The following COL4A2 variants were observed in gnomAD, a reference collection of about 807,000 sequenced individuals.
The protein encoded by COL4A2 is collagen type IV alpha 2 chain.
In COL4A2, 99 loss-of-function variants were observed where a neutral mutation model predicts 200.2. The ratio of observed to expected loss-of-function variants is 0.49; its 90% CI spans 0.42 to 0.58. The LOEUF (loss-of-function observed/expected upper bound fraction) is 0.58, where lower values mean the gene tolerates loss of function less well. COL4A2 is among the 20% of genes least tolerant of loss of function. COL4A2 has a pLI of 0.00. For missense variants in COL4A2, 1,950 were observed against 2,314.1 expected (o/e 0.84, Z 3.23); for synonymous variants, 897 against 900.6 (o/e 1.00, Z 0.07).
At chr13:110,361,570 C>G (rs1877515328) in intron 4 of COL4A2, among the ~76,000 whole-genome samples, 1 of 152,216 alleles carries the variant, frequency 6.6e-6, no homozygotes, top group Non-Finnish European at 1.5e-5. Flanking sequence ...TTGTACGTCA[C>G]TGGATAACTT....
intron 3 of COL4A2, among the ~76,000 whole-genome samples, chr13:110,319,579 C>T (rs1259788390): frequency 4.6e-5 from 7 of 152,134 alleles, no homozygotes; most frequent in Admixed American, 1.3e-4. Flanking sequence ...CAGACTAGCC[C>T]GTACCCTCCA....
Position 110,427,599 on chromosome 13 carries a change from A to G in COL4A2, c.361-868A>G, listed in dbSNP as rs1433866339. 3.3e-5 allele frequency among the ~76,000 whole-genome samples: 5 copies of G among 152,278 alleles called. No individual in the cohort carries two copies. The East Asian group carries it at 9.6e-4, about 29-fold the overall frequency. On this transcript the variant is annotated intron_variant, in intron 6 of 47. Coordinates refer to ENST00000360467, the MANE Select transcript of COL4A2 (RefSeq NM_001846.4). ...AAGTAACTACACAATAACAAAGCAT[A>G]TAGCTAAATATCTATTGTTTAAAGA...
At position 110,307,840 on chromosome 13, in the gene COL4A2, G is replaced by T; in HGVS notation, c.-44-20G>T. ...GCCTCCCTCATCCTGCGCTAAACTC[G>T]CTTTGTCTGTCGCCTCTAGGCTAAG... is the stretch of plus-strand genomic sequence containing the variant. On this transcript the variant is annotated intron_variant, in intron 1 of 47. Coordinates refer to ENST00000360467, the MANE Select transcript of COL4A2 (RefSeq NM_001846.4). This position sits in a 1 kb window ranked among gnomAD's most constrained non-coding sequence, Gnocchi z 5.0. 3 of 1,554,590 alleles carry T rather than the reference G, an allele frequency of 1.9e-6. No homozygotes were observed. Among genetic ancestry groups the T allele is most frequent in the Admixed American group, 1.8e-5 (1 of 54,210 alleles).
intron 16 of COL4A2, among the ~76,000 whole-genome samples, chr13:110,442,526 C>T (rs1019225076): frequency 4.6e-5 from 7 of 152,138 alleles, no homozygotes; most frequent in African/African-American, 1.7e-4. Context: ...AGCAACTGCT[C>T]GGTGACATAA....
intron 3 of COL4A2, among the ~76,000 whole-genome samples, chr13:110,316,965 A>G (rs1885145598): frequency 6.6e-6 from 1 of 152,106 alleles, no homozygotes; most frequent in Admixed American, 6.6e-5. Flanking sequence ...ATAGAGATAA[A>G]AGAGAGAGAG....
At chr13:110,465,632 T>C in intron 25 of COL4A2, 26 bp downstream of exon 25, 1 of 1,573,662 alleles carries the variant, frequency 6.4e-7, no homozygotes, top group Non-Finnish European at 8.7e-7. Context: ...CCCTTTTACC[T>C]TTCACAGTCC....
intron 32 of COL4A2, among the ~76,000 whole-genome samples, chr13:110,483,439 G>A (rs1883002129): frequency 2.0e-5 from 3 of 152,208 alleles, no homozygotes; most frequent in Non-Finnish European, 4.4e-5. Context: ...ACAAAAATGT[G>A]GACACAAATC....
chr13:110,395,871 G>A (rs987531503), intron 4 of COL4A2, among the ~76,000 whole-genome samples: 4 of 152,214 alleles, frequency 2.6e-5, no homozygotes, highest in Admixed American at 2.0e-4. Context: ...CTTGAACTCA[G>A]GAGGCGGAGG....
rs778774965 is a variant in COL4A2, at chr13:110,492,055, T to C, written c.3455-15T>C. 6.5e-7 allele frequency: 1 copy of C among 1,549,570 alleles called. No individual in the cohort carries two copies. The highest frequency in any genetic ancestry group is 8.7e-7 in the Non-Finnish European group (1 of 1,145,786). On this transcript the variant is annotated splice_polypyrimidine_tract_variant and intron_variant, in intron 37 of 47. Coordinates refer to ENST00000360467, the MANE Select transcript of COL4A2 (RefSeq NM_001846.4). ...TGTCCTGTGTGCTCAGACTTAATGC[T>C]GTGTTCACCCCCAGGCTTTCCAGGG...
chr13:110,495,340 AG>A lies in COL4A2; in HGVS notation c.3635del. 6.2e-7 allele frequency: 1 copy of A among 1,614,148 alleles called. No homozygotes were observed. Among genetic ancestry groups the A allele is most frequent in the Non-Finnish European group, 8.5e-7 (1 of 1,180,014 alleles). The stretch of plus-strand genomic sequence containing the variant: ...TCAGCTGCTGTTATAACTCTTCCAC[AG>A]GTTCTGACATCCACGGAGACCCAGG... On this transcript the variant is annotated splice_acceptor_variant, in intron 39 of 47. Transcript: ENST00000360467. LOFTEE classifies it high-confidence loss of function.
intron 24 of COL4A2, among the ~76,000 whole-genome samples, chr13:110,464,763 G>A (rs191837161): frequency 2.6e-5 from 4 of 152,220 alleles, no homozygotes; most frequent in East Asian, 1.9e-4. Flanking sequence ...CCACCAGCAC[G>A]TGGGGACAGC....
intron 4 of COL4A2, among the ~76,000 whole-genome samples, chr13:110,357,790 G>T (rs1206533735): frequency 6.6e-6 from 1 of 152,126 alleles, no homozygotes; most frequent in Non-Finnish European, 1.5e-5. Context: ...AGTACTATTT[G>T]TATATCTAAA....
rs1883959016 is a variant in COL4A2 at position 110,508,273 on chromosome 13, C to T, written c.4881+52C>T. 1 of 1,589,900 alleles carries T rather than the reference C, an allele frequency of 6.3e-7. No individual in the cohort carries two copies. Among genetic ancestry groups the T allele is most frequent in the East Asian group, 2.2e-5 (1 of 44,548 alleles). ...CCCCAACCACACCCTGCTGGGGACA[C>T]AGCAAGAACAGCTGCCTTTGTGAGA... is the stretch of plus-strand genomic sequence containing the variant. On this transcript the variant is annotated intron_variant, in intron 47 of 47. Coordinates refer to ENST00000360467, the MANE Select transcript of COL4A2 (RefSeq NM_001846.4). The surrounding 1 kb of genome is among the most constrained non-coding windows in gnomAD (Gnocchi z 6.1).
At chr13:110,325,059 G>A (rs1462964925) in intron 3 of COL4A2, among the ~76,000 whole-genome samples, 2 of 152,188 alleles carry the variant, frequency 1.3e-5, no homozygotes, top group Non-Finnish European at 2.9e-5. Flanking sequence ...AGGAGGATGG[G>A]GAGAAGAGGC....
chr13:110,323,201 GT>G (rs1297955013), intron 3 of COL4A2, among the ~76,000 whole-genome samples: 1 of 152,206 alleles, frequency 6.6e-6, no homozygotes, highest in Non-Finnish European at 1.5e-5. Context: ...ATTCCCCAGA[GT>G]TCAAGGGCCT....
At chr13:110,415,613 TAAA>T (rs1380871986) in intron 4 of COL4A2, among the ~76,000 whole-genome samples, 2 of 152,224 alleles carry the variant, frequency 1.3e-5, no homozygotes, top group African/African-American at 4.8e-5. Context: ...AATGCTAACT[TAAA>T]GAATTTTTTT....
intron 12 of COL4A2, among the ~76,000 whole-genome samples, chr13:110,435,500 T>C (rs1162279258): frequency 6.6e-6 from 1 of 152,264 alleles, no homozygotes; most frequent in Non-Finnish European, 1.5e-5. Flanking sequence ...GATATTCTAT[T>C]AGTGGACACT....
intron 4 of COL4A2, among the ~76,000 whole-genome samples, chr13:110,410,550 A>C (rs889492284): frequency 6.6e-6 from 1 of 152,104 alleles, no homozygotes; most frequent in Non-Finnish European, 1.5e-5. Flanking sequence ...CCATTCGTAC[A>C]TGACCCCCAG....
intron 4 of COL4A2, among the ~76,000 whole-genome samples, chr13:110,405,378 G>C (rs1374241815): frequency 6.6e-6 from 1 of 152,188 alleles, no homozygotes; most frequent in African/African-American, 2.4e-5. Flanking sequence ...GGAAGCCTGG[G>C]TTGAGTCTGT....
Sources: gnomAD v4.1 joint callset for allele counts (sites outside exome capture counted in the v4.1 genomes callset) on GRCh38, gnomAD v4.1.1 for gene constraint, Gnocchi (gnomAD v3.1) non-coding constraint, MANE v1.5 for transcripts, NCBI Gene and HGNC (gene_info 2026-07-23, HGNC 2026-07-21) for gene names.